SAMD5: variants seen among roughly 807,000 people sequenced by gnomAD.
SAMD5 encodes sterile alpha motif domain-containing protein 5.
A neutral mutation model predicts 11.3 loss-of-function variants in SAMD5; 13 were observed. The ratio of observed to expected loss-of-function variants is 1.15; its 90% confidence interval spans 0.75 to 1.83. SAMD5 has a LOEUF of 1.83. Among genes scored for constraint, SAMD5 ranks in the 40% most tolerant of loss-of-function variants. The pLI is 0.00. For synonymous variants in SAMD5, 129 were observed against 111.3 expected, an observed-to-expected ratio of 1.16 and a Z score of -1.00; for missense variants, 255 against 239.1, an observed-to-expected ratio of 1.07 and a Z score of -0.44.
intron 1 of SAMD5, among the ~76,000 whole-genome samples, chr6:147,530,464 A>G (rs1788412578): frequency 6.6e-6 from 1 of 152,198 alleles, no homozygotes; most frequent in Non-Finnish European, 1.5e-5. Context: ...TATGCTGAGG[A>G]GCACAAAGGG....
intron 1 of SAMD5, among the ~76,000 whole-genome samples, chr6:147,550,444 C>T (rs752041266): frequency 3.3e-5 from 5 of 151,994 alleles, no homozygotes; most frequent in Non-Finnish European, 5.9e-5. Context: ...TTAAAAGATA[C>T]CTGAACTCAT....
At chr6:147,779,002 T>C in the SAMD5 span, among the ~76,000 whole-genome samples, 6 of 151,404 alleles carry the variant, frequency 4.0e-5, no homozygotes, top group African/African-American at 1.2e-4. Flanking sequence ...TTTTTTTTTT[T>C]CCAAATAAAT....
At chr6:147,909,632 C>CTTTCTTCTT in the SAMD5 span, among the ~76,000 whole-genome samples, 5 of 61,174 alleles carry the variant, frequency 8.2e-5, no homozygotes, top group Admixed American at 3.6e-4. Context: ...TTCTTTCTTT[C>CTTTCTTCTT]TCTTTCTTGT....
chr6:147,685,986 C>T (rs1039100929), intron 1 of SAMD5, among the ~76,000 whole-genome samples: 1 of 152,156 alleles, frequency 6.6e-6, no homozygotes. Context: ...ATAGTTAATA[C>T]ACCGTGGCAA....
the SAMD5 span, among the ~76,000 whole-genome samples, chr6:147,826,589 C>A: frequency 6.6e-6 from 1 of 152,114 alleles, no homozygotes; most frequent in Non-Finnish European, 1.5e-5. Context: ...GGTGAGAATT[C>A]GTTTTCATAT....
At chr6:147,562,271 C>G (rs1482333486) in intron 1 of SAMD5, among the ~76,000 whole-genome samples, 3 of 152,162 alleles carry the variant, frequency 2.0e-5, no homozygotes, top group Non-Finnish European at 2.9e-5. Flanking sequence ...TGACTTCAGG[C>G]AGAAGTCTGT....
intron 1 of SAMD5, among the ~76,000 whole-genome samples, chr6:147,528,122 A>G (rs920894909): frequency 5.9e-5 from 9 of 152,148 alleles, no homozygotes; most frequent in African/African-American, 1.7e-4. Context: ...CTCCACCTCC[A>G]ACACTGGGGA....
intron 1 of SAMD5, among the ~76,000 whole-genome samples, chr6:147,703,702 G>A (rs1791287821): frequency 6.6e-6 from 1 of 152,110 alleles, no homozygotes; most frequent in African/African-American, 2.4e-5. Flanking sequence ...GTTTTGAGTG[G>A]TACAATTTAG....
the SAMD5 span, among the ~76,000 whole-genome samples, chr6:147,833,568 A>G: frequency 3.9e-5 from 6 of 152,228 alleles, no homozygotes; most frequent in Admixed American, 2.6e-4. Flanking sequence ...GTATTTTTGC[A>G]GGACAGTATC....
chr6:147,862,738 T>C, the SAMD5 span, among the ~76,000 whole-genome samples: 72 of 152,326 alleles, frequency 4.7e-4, no homozygotes, highest in African/African-American at 1.7e-3. Context: ...AATTTTGTGG[T>C]CAGCAAAATT....
chr6:147,687,026 AAAT>A (rs1184256617), intron 1 of SAMD5, among the ~76,000 whole-genome samples: 13 of 152,126 alleles, frequency 8.5e-5, no homozygotes, highest in African/African-American at 2.4e-4. Flanking sequence ...GATTTGATAA[AAAT>A]AACATACTGG....
intron 1 of SAMD5, among the ~76,000 whole-genome samples, chr6:147,618,150 G>A (rs2128449860): frequency 6.6e-6 from 1 of 152,352 alleles, no homozygotes; most frequent in South Asian, 2.1e-4. Flanking sequence ...AGGCAAAGAG[G>A]TGAAGTGAGT....
At chr6:147,916,062 TC>T in the SAMD5 span, among the ~76,000 whole-genome samples, 1 of 151,960 alleles carries the variant, frequency 6.6e-6, no homozygotes, top group Non-Finnish European at 1.5e-5. Context: ...TTCATCCATG[TC>T]CCTACAAAGG....
intron 1 of SAMD5, among the ~76,000 whole-genome samples, chr6:147,584,234 C>T (rs1789342379): frequency 6.6e-6 from 1 of 152,138 alleles, no homozygotes; most frequent in South Asian, 2.1e-4. Context: ...AAGTAACACC[C>T]TAAGCATTTC....
At chr6:147,866,271 G>A in the SAMD5 span, among the ~76,000 whole-genome samples, 1 of 152,292 alleles carries the variant, frequency 6.6e-6, no homozygotes, top group East Asian at 1.9e-4. Context: ...ATTAGAACTA[G>A]TTTCTTGAAT....
At chr6:147,667,497 C>G (rs1412186823) in intron 1 of SAMD5, among the ~76,000 whole-genome samples, 1 of 152,138 alleles carries the variant, frequency 6.6e-6, no homozygotes, top group Non-Finnish European at 1.5e-5. Flanking sequence ...CAAGAAAAAG[C>G]CAAGGGCAGA....
At chr6:147,840,235 T>C in the SAMD5 span, among the ~76,000 whole-genome samples, 24 of 152,360 alleles carry the variant, frequency 1.6e-4, no homozygotes, top group East Asian at 4.6e-3. Flanking sequence ...TTTGATGGCA[T>C]GTCAGAGATT....
At chr6:147,575,069 T>G (rs1789198810) in intron 1 of SAMD5, among the ~76,000 whole-genome samples, 1 of 152,258 alleles carries the variant, frequency 6.6e-6, no homozygotes, top group African/African-American at 2.4e-5. Flanking sequence ...TTAGGCTTAT[T>G]TCTACATAGA....
chr6:147,678,033 G>T (rs1340497663), intron 1 of SAMD5, among the ~76,000 whole-genome samples: 1 of 152,142 alleles, frequency 6.6e-6, no homozygotes, highest in Non-Finnish European at 1.5e-5. Flanking sequence ...CCACTGAGGG[G>T]TGGAGGTGGG....
Sources: allele counts gnomAD v4.1 joint callset (sites outside exome capture counted in the v4.1 genomes callset), GRCh38; gene constraint gnomAD v4.1.1; transcripts MANE v1.5; gene names NCBI Gene and HGNC (gene_info 2026-07-23, HGNC 2026-07-21).